Variants in SLC17A3 observed in about 807,000 individuals in gnomAD.
The protein encoded by SLC17A3 is solute carrier family 17 member 3.
A neutral mutation model predicts 60.3 loss-of-function variants in SLC17A3; 61 were observed. The observed-to-expected ratio is 1.01, with a 90% confidence interval of 0.82 to 1.25. The LOEUF (loss-of-function observed/expected upper bound fraction) is 1.25. Ranked by LOEUF, SLC17A3 falls within the 50% of genes most tolerant of loss-of-function variation. The pLI, the probability that SLC17A3 is intolerant of heterozygous loss-of-function variation, is 0.00. For missense variants in SLC17A3, 624 were observed against 594.9 expected (o/e 1.05, Z -0.51); for synonymous variants, 192 against 208.9 (o/e 0.92, Z 0.70).
intron 1 of SLC17A3, among the ~76,000 whole-genome samples, chr6:25,869,719 A>G (rs541570268): frequency 1.3e-5 from 2 of 152,084 alleles, no homozygotes; most frequent in Middle Eastern, 3.4e-3. Flanking sequence ...CTTCACTACC[A>G]TGAGAACAGT....
chr6:25,862,570 G>C (rs889595703), intron 2 of SLC17A3, 126 bp from the exon 3 acceptor site: 50 of 821,118 alleles, frequency 6.1e-5, no homozygotes, highest in Non-Finnish European at 9.0e-5. Context: ...TGACACTTCT[G>C]TTGGCTTTAT....
At chr6:25,860,695 C>T (rs1352250307) in intron 5 of SLC17A3, among the ~76,000 whole-genome samples, 1 of 152,204 alleles carries the variant, frequency 6.6e-6, no homozygotes, top group Non-Finnish European at 1.5e-5. Context: ...CGTCTAGATA[C>T]TGTCATTTGA....
At chr6:25,859,454 T>C (rs971404674) in intron 5 of SLC17A3, among the ~76,000 whole-genome samples, 16 of 152,140 alleles carry the variant, frequency 1.1e-4, no homozygotes, top group African/African-American at 3.6e-4. Flanking sequence ...GAGCTTATTT[T>C]CCCCCCTAAA....
At chr6:25,870,724 A>G (rs1765627692) in intron 1 of SLC17A3, among the ~76,000 whole-genome samples, 1 of 152,042 alleles carries the variant, frequency 6.6e-6, no homozygotes, top group African/African-American at 2.4e-5. Context: ...CCCCTACAAC[A>G]TGGACTCATG....
At chr6:25,870,206 A>G (rs974046907) in intron 1 of SLC17A3, among the ~76,000 whole-genome samples, 17 of 151,904 alleles carry the variant, frequency 1.1e-4, no homozygotes, top group Non-Finnish European at 2.4e-4. Context: ...TGGGCATTCT[A>G]ATTCCATGGT....
In SLC17A3 at chr6:25,849,357, T is replaced by A. The variant is rs1435148942; in HGVS notation, c.1362+17A>T. The stretch of plus-strand genomic sequence containing the variant: ...AGCAGAGCATCTTTGGAGTCCTTCA[T>A]GACAAAAAAATTGTACCTGACTAAG... On this transcript the variant is annotated intron_variant, in intron 11 of 12. Transcript: ENST00000397060. The A allele has an allele frequency of 6.8e-7, 1 of 1,476,266 alleles. No individual in the cohort carries two copies. Among genetic ancestry groups the A allele is most frequent in the Non-Finnish European group, 9.5e-7 (1 of 1,055,666 alleles). The allele number at this position is 1,476,266 out of a possible 1,614,324, so 91.4% of individuals were successfully genotyped here.
rs1765458653 is a variant in SLC17A3 at position 25,862,078 on chromosome 6, T to C, written c.304-49A>G. 5 of 1,479,186 alleles carry C rather than the reference T, an allele frequency of 3.4e-6. No homozygotes were observed. The Admixed American group carries it at 6.0e-5, about 18-fold the overall frequency. 91.6% of individuals were successfully genotyped at this position (1,479,186 alleles called of 1,614,324 possible). On this transcript the variant is annotated intron_variant, in intron 3 of 12. Transcript: ENST00000397060. ...AGTAAACCTTACACAAAAAGGTTCT[T>C]ACATACCCTAGAAAGCTCCTTTAGA...
chr6:25,855,571 C>G (rs998388361), intron 5 of SLC17A3, among the ~76,000 whole-genome samples: 12 of 152,162 alleles, frequency 7.9e-5, no homozygotes, highest in African/African-American at 2.9e-4. Context: ...TCACTCGTCT[C>G]TGTAAAATTA....
intron 2 of SLC17A3, among the ~76,000 whole-genome samples, chr6:25,865,279 G>T (rs2151526364): frequency 6.6e-6 from 1 of 152,090 alleles, no homozygotes; most frequent in South Asian, 2.1e-4. Context: ...TAGGGTTTAT[G>T]TGGCTCTGTG....
intron 1 of SLC17A3, 49 bp downstream of exon 1, chr6:25,874,118 G>C (rs1172073202): frequency 6.6e-6 from 1 of 152,066 alleles, no homozygotes; most frequent in Non-Finnish European, 1.5e-5. Flanking sequence ...TTGCTATACA[G>C]AAAAGAGTTT....
Position 25,856,361 on chromosome 6 carries a change from G to A in SLC17A3, c.626-1131C>T, listed in dbSNP as rs182154006. On this transcript the variant is annotated intron_variant, in intron 5 of 12. Coordinates refer to ENST00000397060, the MANE Select transcript of SLC17A3 (RefSeq NM_001098486.2). ...AAGCAATCCTTCCACATCAACCTCC[G>A]AAGAAATGGAATGACAGGTGCATGC... Among the ~76,000 whole-genome samples the A allele has an allele frequency of 1.2e-3, 183 of 152,166 alleles. 1 individual carries two copies. The highest frequency in any genetic ancestry group is 1.8e-3 in the Admixed American group (28 of 15,274).
intron 2 of SLC17A3, among the ~76,000 whole-genome samples, chr6:25,865,519 A>ATC (rs776041529): frequency 6.6e-6 from 1 of 151,952 alleles, no homozygotes; most frequent in Non-Finnish European, 1.5e-5. Flanking sequence ...TTCCCTTGGG[A>ATC]TCCCAGGTGT....
intron 2 of SLC17A3, among the ~76,000 whole-genome samples, chr6:25,865,740 A>G (rs1392364489): frequency 6.6e-6 from 1 of 151,922 alleles, no homozygotes; most frequent in African/African-American, 2.4e-5. Flanking sequence ...TTCTGAATGA[A>G]CTATACCAGT....
intron 1 of SLC17A3, among the ~76,000 whole-genome samples, chr6:25,869,193 A>G (rs1383149208): frequency 6.6e-6 from 1 of 152,000 alleles, no homozygotes; most frequent in Non-Finnish European, 1.5e-5. Context: ...CTACATTACA[A>G]TACTAGGATC....
chr6:25,870,671 G>A (rs1275173467), intron 1 of SLC17A3, among the ~76,000 whole-genome samples: 1 of 151,994 alleles, frequency 6.6e-6, no homozygotes, highest in African/African-American at 2.4e-5. Flanking sequence ...TCAACCACTG[G>A]CAAGGAAGAA....
intron 11 of SLC17A3, among the ~76,000 whole-genome samples, chr6:25,848,676 A>G (rs970488047): frequency 6.6e-6 from 1 of 152,202 alleles, no homozygotes; most frequent in Non-Finnish European, 1.5e-5. Flanking sequence ...AAACCCTTCT[A>G]GACACCGGCT....
Position 25,849,376 on chromosome 6 carries a change from G to A in SLC17A3, c.1360C>T (p.Gln454Ter), listed in dbSNP as rs748701342. 1 of 1,590,534 alleles carries A rather than the reference G, an allele frequency of 6.3e-7. No individual in the cohort carries two copies. Among genetic ancestry groups the A allele is most frequent in the Non-Finnish European group, 8.6e-7 (1 of 1,159,076 alleles). The change falls in exon 11 of 13, where the codon CAG becomes TAG. Residue 454 changes from glutamine to a stop codon, truncating the protein, a stop_gained and splice_region_variant. Coordinates refer to ENST00000397060, the MANE Select transcript of SLC17A3 (RefSeq NM_001098486.2). LOFTEE classifies it high-confidence loss of function. ...CCTTCATGACAAAAAAATTGTACCT[G>A]ACTAAGAAGAAATCCACTGACAGTG... ...VPTVSGFLLS[Q>*]DPEFGWRNVF...
intron 3 of SLC17A3, 59 bp downstream of exon 3, chr6:25,862,174 A>G: frequency 1.3e-6 from 2 of 1,498,820 alleles, no homozygotes; most frequent in South Asian, 1.2e-5. Flanking sequence ...AGAAAAATAA[A>G]TATCCAAGCA....
chr6:25,855,063 G>T, intron 6 of SLC17A3, 81 bp downstream of exon 6: 1 of 927,942 alleles, frequency 1.1e-6, no homozygotes, highest in Non-Finnish European at 1.8e-6. Context: ...CATTTCCTTT[G>T]GAAAACTATA....
Sources: gnomAD v4.1 joint callset for allele counts (sites outside exome capture counted in the v4.1 genomes callset) on GRCh38, gnomAD v4.1.1 for gene constraint, MANE v1.5 for transcripts, NCBI Gene and HGNC (gene_info 2026-07-23, HGNC 2026-07-21) for gene names.